Variants in CALN1 observed in about 807,000 individuals in gnomAD.
The protein encoded by CALN1 is calneuron 1.
CALN1 carries 17 observed loss-of-function variants against 30.6 expected under a neutral mutation model. That is an observed-to-expected ratio of 0.56 (90% confidence interval 0.38 to 0.83). The LOEUF (loss-of-function observed/expected upper bound fraction) is 0.83, where lower values mean the gene tolerates loss of function less well. CALN1 is among the 40% of genes least tolerant of loss of function. CALN1 has a pLI of 0.00. For synonymous variants in CALN1, 156 were observed against 131.4 expected, an observed-to-expected ratio of 1.19 and a Z score of -1.28; for missense variants, 291 against 354.9, an observed-to-expected ratio of 0.82 and a Z score of 1.45.
chr7:71,827,566 T>A (rs921042716), intron 5 of CALN1, among the ~76,000 whole-genome samples: 2 of 151,214 alleles, frequency 1.3e-5, no homozygotes, highest in Non-Finnish European at 2.9e-5. Flanking sequence ...AGGTCGGGAG[T>A]TCGAGACAAG....
chr7:72,134,946 CATTTCAACA>C (rs1201335864), intron 3 of CALN1, among the ~76,000 whole-genome samples: 2 of 152,200 alleles, frequency 1.3e-5, no homozygotes, highest in Non-Finnish European at 2.9e-5. Flanking sequence ...TTCACAATGC[CATTTCAACA>C]ATGTTTACAA....
At chr7:72,411,411 G>C (rs1443296894) in intron 1 of CALN1, among the ~76,000 whole-genome samples, 1 of 152,054 alleles carries the variant, frequency 6.6e-6, no homozygotes, top group South Asian at 2.1e-4. Context: ...CTATGTTAGA[G>C]AAAAGAGCTG....
At chr7:72,319,577 T>A (rs1562881789) in intron 2 of CALN1, among the ~76,000 whole-genome samples, 1 of 152,126 alleles carries the variant, frequency 6.6e-6, no homozygotes, top group Non-Finnish European at 1.5e-5. Flanking sequence ...GAATACTACT[T>A]AGCCATGAAA....
chr7:72,181,809 G>A (rs1397023356), intron 3 of CALN1, among the ~76,000 whole-genome samples: 1 of 152,172 alleles, frequency 6.6e-6, no homozygotes, highest in Non-Finnish European at 1.5e-5. Context: ...CTATATGAAA[G>A]TGAAACTTAC....
chr7:72,076,836 C>T (rs1000705475), intron 4 of CALN1, among the ~76,000 whole-genome samples: 1 of 151,996 alleles, frequency 6.6e-6, no homozygotes, highest in Admixed American at 6.6e-5. Flanking sequence ...GGATACTAGA[C>T]CAGCAAGGAA....
chr7:72,452,483 C>G, the CALN1 span, among the ~76,000 whole-genome samples: 3 of 152,134 alleles, frequency 2.0e-5, no homozygotes, highest in Non-Finnish European at 4.4e-5. Context: ...GCACCTTCCT[C>G]CTCCTTCTCT....
intron 5 of CALN1, among the ~76,000 whole-genome samples, chr7:71,904,999 C>A (rs542725991): frequency 2.0e-5 from 3 of 152,034 alleles, no homozygotes; most frequent in Admixed American, 2.0e-4. Flanking sequence ...AGTGCAGTGG[C>A]GTGATCTCAG....
At chr7:72,181,310 TG>T (rs1789789005) in intron 3 of CALN1, among the ~76,000 whole-genome samples, 1 of 150,272 alleles carries the variant, frequency 6.7e-6, no homozygotes, top group African/African-American at 2.4e-5. Context: ...TGTTTATATA[TG>T]TTATATGAAT....
intron 5 of CALN1, among the ~76,000 whole-genome samples, chr7:71,949,416 C>T (rs1796575511): frequency 6.6e-6 from 1 of 152,196 alleles, no homozygotes; most frequent in Admixed American, 6.5e-5. Flanking sequence ...TGGAGTCTCA[C>T]TCTGTTGCCC....
chr7:71,852,845 G>T (rs979483903), intron 5 of CALN1, among the ~76,000 whole-genome samples: 6 of 152,054 alleles, frequency 3.9e-5, no homozygotes, highest in Non-Finnish European at 7.4e-5. Context: ...GTGCTTATTA[G>T]CCATTTGTAT....
chr7:72,205,374 G>T (rs776998703), intron 3 of CALN1, among the ~76,000 whole-genome samples: 12 of 150,020 alleles, frequency 8.0e-5, no homozygotes, highest in Admixed American at 4.0e-4. Flanking sequence ...CTAATTTTTT[G>T]TATTTTTAGT....
intron 3 of CALN1, among the ~76,000 whole-genome samples, chr7:72,182,735 T>G (rs376391105): frequency 1.6e-5 from 1 of 60,614 alleles, no homozygotes; most frequent in Admixed American, 1.5e-4. Flanking sequence ...AAACAAAAAA[T>G]GAAAAAAAAA....
intron 5 of CALN1, among the ~76,000 whole-genome samples, chr7:71,888,339 C>T (rs895755207): frequency 7.3e-5 from 11 of 151,436 alleles, no homozygotes; most frequent in African/African-American, 2.2e-4. Context: ...GGGATGACTG[C>T]AGAACTCTAT....
intron 2 of CALN1, among the ~76,000 whole-genome samples, chr7:72,297,554 C>T (rs10251307): frequency 0.99 from 150,655 of 152,352 alleles, 74,507 homozygotes; most frequent in Middle Eastern, 1. Flanking sequence ...ATTTTTTTAG[C>T]GAAAACAAGA....
chr7:71,934,621 G>A (rs1202725818), intron 5 of CALN1, among the ~76,000 whole-genome samples: 3 of 152,138 alleles, frequency 2.0e-5, no homozygotes, highest in Non-Finnish European at 4.4e-5. Context: ...TCATTACCAT[G>A]GGGAGGGCAC....
chr7:72,484,111 A>G, the CALN1 span, among the ~76,000 whole-genome samples: 2 of 152,124 alleles, frequency 1.3e-5, no homozygotes, highest in African/African-American at 4.8e-5. Flanking sequence ...CACCATTGTC[A>G]GTTCTGGGGT....
chr7:72,007,661 C>T (rs1359009075), intron 5 of CALN1, among the ~76,000 whole-genome samples: 1 of 152,130 alleles, frequency 6.6e-6, no homozygotes, highest in Non-Finnish European at 1.5e-5. Flanking sequence ...ATGTAAATTC[C>T]ATGAGTGCGA....
chr7:72,182,858 C>G (rs1445628702), intron 3 of CALN1, among the ~76,000 whole-genome samples: 1 of 151,336 alleles, frequency 6.6e-6, no homozygotes, highest in Non-Finnish European at 1.5e-5. Flanking sequence ...ATTATATGGA[C>G]AACTGTGACA....
intron 2 of CALN1, among the ~76,000 whole-genome samples, chr7:72,355,187 C>CA (rs1803155815): frequency 1.3e-5 from 2 of 152,290 alleles, no homozygotes; most frequent in East Asian, 3.9e-4. Flanking sequence ...CGATTACAGG[C>CA]GTGAGCCAAC....
Sources: allele counts gnomAD v4.1 joint callset (sites outside exome capture counted in the v4.1 genomes callset), GRCh38; gene constraint gnomAD v4.1.1; transcripts MANE v1.5; gene names NCBI Gene and HGNC (gene_info 2026-07-23, HGNC 2026-07-21).